The following CCSER1 variants were observed in gnomAD, a reference collection of about 807,000 sequenced individuals.
The protein encoded by CCSER1 is coiled-coil serine rich protein 1.
Under a neutral mutation model 82.0 loss-of-function variants are expected in CCSER1, and 41 were observed. The observed-to-expected ratio is 0.50, with a 90% confidence interval of 0.39 to 0.65. The LOEUF (loss-of-function observed/expected upper bound fraction) is 0.65, where lower values mean the gene tolerates loss of function less well. CCSER1 is among the 30% of genes least tolerant of loss of function. The probability of loss-of-function intolerance (pLI) is 0.00; values close to 1 mark genes in which losing one functional copy is unlikely to be tolerated. For synonymous variants in CCSER1, 414 were observed against 383.9 expected, an observed-to-expected ratio of 1.08 and a Z score of -0.92; for missense variants, 1,119 against 1,064.2, an observed-to-expected ratio of 1.05 and a Z score of -0.72.
intron 10 of CCSER1, among the ~76,000 whole-genome samples, chr4:91,398,911 G>T (rs1752153551): frequency 6.6e-6 from 1 of 151,924 alleles, no homozygotes; most frequent in Non-Finnish European, 1.5e-5. Context: ...GTGCAGACCA[G>T]TGTTTGAGGA....
At chr4:90,502,048 TTA>T (rs1769964198) in intron 5 of CCSER1, among the ~76,000 whole-genome samples, 1 of 152,148 alleles carries the variant, frequency 6.6e-6, no homozygotes, top group African/African-American at 2.4e-5. Context: ...ACATATAAAA[TTA>T]TAGAGCAAAA....
At chr4:91,311,847 A>G (rs1041437728) in intron 10 of CCSER1, among the ~76,000 whole-genome samples, 2 of 152,022 alleles carry the variant, frequency 1.3e-5, no homozygotes, top group African/African-American at 4.8e-5. Context: ...TCCTTTTGAC[A>G]ATAATGCAGA....
At chr4:91,246,819 T>TACACACAC (rs1221506915) in intron 10 of CCSER1, among the ~76,000 whole-genome samples, 8 of 115,280 alleles carry the variant, frequency 6.9e-5, no homozygotes, top group African/African-American at 3.0e-4. Context: ...CATACACACA[T>TACACACAC]ACACACATAC....
In CCSER1 at chr4:91,175,034, C is replaced by T. The variant is rs113628987; in HGVS notation, c.2217+89040C>T. Among the ~76,000 whole-genome samples, 72 of 152,222 alleles carry T rather than the reference C, an allele frequency of 4.7e-4. No homozygotes were observed. The Middle Eastern group carries it at 0.014, about 29-fold the overall frequency. Reference sequence around the variant, plus strand: ...TCCCCATCCTGTGTCCGAGTGTTCTCATTGGTCAATTCCCACCTATGAGTG... The same window carrying T: ...TCCCCATCCTGTGTCCGAGTGTTCTTATTGGTCAATTCCCACCTATGAGTG... On this transcript the variant is annotated intron_variant, in intron 10 of 10. Transcript: ENST00000509176.
intron 5 of CCSER1, among the ~76,000 whole-genome samples, chr4:90,470,513 G>A (rs941777661): frequency 3.3e-5 from 5 of 152,190 alleles, no homozygotes; most frequent in Non-Finnish European, 5.9e-5. Context: ...GGTGGTTATT[G>A]GCTCATGTAA....
chr4:91,274,736 A>G (rs1413259417), intron 10 of CCSER1, among the ~76,000 whole-genome samples: 1 of 152,160 alleles, frequency 6.6e-6, no homozygotes, highest in Non-Finnish European at 1.5e-5. Context: ...ATTAATGGAC[A>G]CTGAGGTCCA....
intron 1 of CCSER1, among the ~76,000 whole-genome samples, chr4:90,248,964 T>C (rs1721909234): frequency 2.0e-5 from 3 of 152,144 alleles, no homozygotes; most frequent in Admixed American, 6.6e-5. Context: ...CTAGAAGTGC[T>C]GGGATTACAT....
chr4:91,351,646 G>A (rs929075169), intron 10 of CCSER1, among the ~76,000 whole-genome samples: 1 of 151,900 alleles, frequency 6.6e-6, no homozygotes, highest in Non-Finnish European at 1.5e-5. Context: ...TTGCCCTGTG[G>A]ATCATTTTAG....
intron 10 of CCSER1, among the ~76,000 whole-genome samples, chr4:91,136,374 T>C (rs575291202): frequency 6.6e-6 from 1 of 152,364 alleles, no homozygotes; most frequent in South Asian, 2.1e-4. Flanking sequence ...TGTTTACCTC[T>C]GTTAGCAATT....
intron 10 of CCSER1, among the ~76,000 whole-genome samples, chr4:91,159,982 T>G (rs1264101285): frequency 6.6e-6 from 1 of 151,904 alleles, no homozygotes; most frequent in Non-Finnish European, 1.5e-5. Flanking sequence ...TGTGCCATGT[T>G]GGTTTGCTGC....
rs943485338 is a variant in CCSER1 at position 90,135,911 on chromosome 4, G to T, written c.-42+8080G>T. The stretch of plus-strand genomic sequence containing the variant: ...CTGAACAGCTTAATCCACAATAAAT[G>T]AAATACTTGGAATTCTGTATCTTAT... On this transcript the variant is annotated intron_variant, in intron 1 of 10. Coordinates refer to ENST00000509176, the MANE Select transcript of CCSER1 (RefSeq NM_001145065.2). Among the ~76,000 whole-genome samples, 52 of 152,266 alleles carry T rather than the reference G, an allele frequency of 3.4e-4. 1 individual carries two copies. The highest frequency in any genetic ancestry group is 1.1e-3 in the African/African-American group (46 of 41,550).
At chr4:90,872,499 A>C (rs1039560909) in intron 8 of CCSER1, among the ~76,000 whole-genome samples, 1 of 151,970 alleles carries the variant, frequency 6.6e-6, no homozygotes, top group Non-Finnish European at 1.5e-5. Context: ...AATGAATAAA[A>C]ATTATACTGT....
At chr4:90,238,975 T>G (rs1746329433) in intron 1 of CCSER1, among the ~76,000 whole-genome samples, 2 of 152,008 alleles carry the variant, frequency 1.3e-5, no homozygotes, top group South Asian at 4.1e-4. Flanking sequence ...CTCAGCCTTC[T>G]GAGTAGCTGG....
At chr4:91,145,877 A>G (rs1367020606) in intron 10 of CCSER1, among the ~76,000 whole-genome samples, 1 of 152,132 alleles carries the variant, frequency 6.6e-6, no homozygotes, top group Non-Finnish European at 1.5e-5. Flanking sequence ...TTTAGCTTCA[A>G]TTAACATTTT....
At chr4:90,381,200 ATAAT>A (rs1179952139) in intron 3 of CCSER1, among the ~76,000 whole-genome samples, 1 of 152,224 alleles carries the variant, frequency 6.6e-6, no homozygotes, top group African/African-American at 2.4e-5. Flanking sequence ...CACCCTTGTG[ATAAT>A]TAATATGCAG....
At chr4:91,021,520 T>G (rs1217319101) in intron 9 of CCSER1, among the ~76,000 whole-genome samples, 1 of 152,198 alleles carries the variant, frequency 6.6e-6, no homozygotes, top group Non-Finnish European at 1.5e-5. Context: ...AGTGCATATA[T>G]TTTTATAAAA....
At chr4:91,392,929 C>T (rs542731118) in intron 10 of CCSER1, among the ~76,000 whole-genome samples, 1 of 151,982 alleles carries the variant, frequency 6.6e-6, no homozygotes, top group South Asian at 2.1e-4. Flanking sequence ...CTAGGCCCCA[C>T]CCCTCGAGTT....
intron 10 of CCSER1, among the ~76,000 whole-genome samples, chr4:91,408,305 T>G (rs943842003): frequency 2.6e-5 from 4 of 152,182 alleles, no homozygotes; most frequent in African/African-American, 9.7e-5. Flanking sequence ...AAAATGAAAT[T>G]AAGAACAATT....
At chr4:91,409,235 A>AT (rs1443335885) in intron 10 of CCSER1, among the ~76,000 whole-genome samples, 8 of 152,218 alleles carry the variant, frequency 5.3e-5, no homozygotes, top group African/African-American at 1.4e-4. Context: ...TAAATGGTTC[A>AT]TTTTTGATGC....
Sources: allele counts gnomAD v4.1 joint callset (sites outside exome capture counted in the v4.1 genomes callset), GRCh38; gene constraint gnomAD v4.1.1; transcripts MANE v1.5; gene names NCBI Gene and HGNC (gene_info 2026-07-23, HGNC 2026-07-21).